Variants in GANC observed in about 807,000 individuals in gnomAD.
GANC encodes glucosidase alpha, neutral C.
In GANC, 117 loss-of-function variants were observed where a neutral mutation model predicts 124.2. The observed-to-expected ratio is 0.94, with a 90% confidence interval of 0.81 to 1.10. GANC has a LOEUF of 1.10. Ranked by LOEUF, GANC falls within the 50% of genes least tolerant of loss-of-function variation. The pLI is 0.00. For synonymous variants in GANC, 377 were observed against 376.8 expected, an observed-to-expected ratio of 1.00 and a Z score of -0.01; for missense variants, 1,140 against 1,095.0, an observed-to-expected ratio of 1.04 and a Z score of -0.58.
At chr15:42,287,177 A>ACCAAGC (rs2051797500) in intron 3 of GANC, among the ~76,000 whole-genome samples, 1 of 152,194 alleles carries the variant, frequency 6.6e-6, no homozygotes. Flanking sequence ...ATTTTAGTGC[A>ACCAAGC]CCAAGCCTCC....
chr15:42,306,416 A>G, intron 6 of GANC, 130 bp from the exon 7 acceptor site: 1 of 688,346 alleles, frequency 1.5e-6, no homozygotes, highest in South Asian at 2.0e-5. Flanking sequence ...GACGTCACAC[A>G]CTGGTCTTCT....
chr15:42,292,264 A>G (rs1368316431), intron 4 of GANC, among the ~76,000 whole-genome samples: 1 of 152,052 alleles, frequency 6.6e-6, no homozygotes, highest in Non-Finnish European at 1.5e-5. Flanking sequence ...ATGTGTTTGG[A>G]ATGAGAAAGA....
intron 6 of GANC, among the ~76,000 whole-genome samples, chr15:42,305,028 A>G (rs1007896781): frequency 2.4e-5 from 2 of 83,490 alleles, no homozygotes; most frequent in Non-Finnish European, 4.8e-5. Context: ...CGTAGGCAAT[A>G]CCATTCAGGA....
At chr15:42,337,036 G>A (rs1037147730) in intron 15 of GANC, among the ~76,000 whole-genome samples, 3 of 152,214 alleles carry the variant, frequency 2.0e-5, no homozygotes, top group Non-Finnish European at 1.5e-5. Context: ...CTGCTGGTAG[G>A]AGTGTAAAAT....
intron 22 of GANC, among the ~76,000 whole-genome samples, chr15:42,350,348 T>C (rs1443210332): frequency 6.6e-6 from 1 of 151,896 alleles, no homozygotes; most frequent in Non-Finnish European, 1.5e-5. Flanking sequence ...TTCTAAAAAA[T>C]GAAAAAGGAC....
chr15:42,330,399 A>G (rs2052233027), intron 14 of GANC, among the ~76,000 whole-genome samples, 177 bp from the exon 15 acceptor site: 1 of 152,190 alleles, frequency 6.6e-6, no homozygotes, highest in African/African-American at 2.4e-5. Flanking sequence ...CCATTCTTTT[A>G]ATAGGGGAAT....
chr15:42,287,581 G>T (rs1030888626), intron 3 of GANC, 110 bp from the exon 4 acceptor site: 2 of 1,108,768 alleles, frequency 1.8e-6, no homozygotes, highest in African/African-American at 1.6e-5. Flanking sequence ...TCTCCAATTT[G>T]CTTGGCCTAT....
chr15:42,303,482 C>T (rs887238028), intron 6 of GANC, among the ~76,000 whole-genome samples: 1 of 152,026 alleles, frequency 6.6e-6, no homozygotes, highest in African/African-American at 2.4e-5. Flanking sequence ...ATCATAATGA[C>T]AGGATCAAAT....
At position 42,321,954 on chromosome 15, in the gene GANC, C is replaced by A. The variant is rs781459010; in HGVS notation, c.1227C>A (p.Thr409=). The part of the protein sequence containing the change: ...IEHTEGKRYF[T]WDKNRFPNPK... ...ACACTGAGGGCAAGAGGTACTTCAC[C>A]TGGGACAAAAACAGATTCCCAAACC... The change falls in exon 11 of 24, where the codon ACC becomes ACA. Residue 409 remains threonine, a synonymous_variant. Transcript: ENST00000318010. 2 of 1,614,014 alleles carry A rather than the reference C, an allele frequency of 1.2e-6. No individual in the cohort carries two copies. Among genetic ancestry groups the A allele is most frequent in the Admixed American group, 3.3e-5 (2 of 59,998 alleles).
intron 10 of GANC, among the ~76,000 whole-genome samples, chr15:42,313,395 A>G (rs2052072306): frequency 6.6e-6 from 1 of 152,272 alleles, no homozygotes; most frequent in Admixed American, 6.5e-5. Flanking sequence ...GTTAGAATTC[A>G]CTAACATTAA....
chr15:42,284,185 T>C, intron 3 of GANC: 1 of 599,104 alleles, frequency 1.7e-6, no homozygotes, highest in Non-Finnish European at 3.0e-6. Context: ...TTTTCCTACT[T>C]AACACCCACT....
chr15:42,285,501 G>A (rs1223901830), intron 3 of GANC, among the ~76,000 whole-genome samples: 2 of 152,182 alleles, frequency 1.3e-5, no homozygotes, highest in Non-Finnish European at 2.9e-5. Flanking sequence ...AGCTATGTTG[G>A]TGATAATAAG....
intron 10 of GANC, among the ~76,000 whole-genome samples, chr15:42,316,745 C>T (rs1338244936): frequency 6.6e-6 from 1 of 152,132 alleles, no homozygotes; most frequent in African/African-American, 2.4e-5. Context: ...CCTAACTCCT[C>T]CAAGGAAAGG....
At chr15:42,275,575 G>T (rs1469072079) in intron 1 of GANC, among the ~76,000 whole-genome samples, 3 of 24,508 alleles carry the variant, frequency 1.2e-4, no homozygotes, top group Non-Finnish European at 4.2e-4. Flanking sequence ...CATGAAAGCC[G>T]GTGTAATTTT....
chr15:42,308,118 C>A (rs1595772371), intron 7 of GANC, 104 bp from the exon 8 acceptor site: 1 of 642,028 alleles, frequency 1.6e-6, no homozygotes, highest in East Asian at 2.6e-5. Context: ...GAGCCCAGGT[C>A]TCTCAGCCTT....
rs1389074823 is a variant in GANC at position 42,273,748 on chromosome 15, A to C, written c.-734A>C. 1.1e-5 allele frequency: 3 copies of C among 277,006 alleles called. No homozygotes were observed. The highest frequency in any genetic ancestry group is 1.6e-4 in the East Asian group (2 of 12,746). The allele number at this position is 277,006 out of a possible 1,614,324, so 17.2% of individuals were successfully genotyped here. ...CTACTTCCGCTCGCCCCAGCCCTTC[A>C]TCCCTTCTAAGTCAATGTCAGACTT... On this transcript the variant is annotated 5_prime_UTR_variant, in exon 1 of 24. Transcript: ENST00000318010.
chr15:42,282,291 C>T (rs1425713046), intron 3 of GANC, among the ~76,000 whole-genome samples: 1 of 152,020 alleles, frequency 6.6e-6, no homozygotes, highest in African/African-American at 2.4e-5. Flanking sequence ...GCTGCACCCT[C>T]AGCCTGGGCA....
At chr15:42,292,628 A>G (rs1368290512) in intron 4 of GANC, 107 bp from the exon 5 acceptor site, 6 of 1,093,402 alleles carry the variant, frequency 5.5e-6, no homozygotes, top group Non-Finnish European at 6.6e-6. Context: ...ATCTATGGCT[A>G]TGTCACATGA....
chr15:42,305,740 A>C (rs942428363), intron 6 of GANC, among the ~76,000 whole-genome samples: 1 of 152,226 alleles, frequency 6.6e-6, no homozygotes, highest in Non-Finnish European at 1.5e-5. Context: ...TGGCACATAC[A>C]CACCATGAAA....
Sources: allele counts gnomAD v4.1 joint callset (sites outside exome capture counted in the v4.1 genomes callset), GRCh38; gene constraint gnomAD v4.1.1; transcripts MANE v1.5; gene names NCBI Gene and HGNC (gene_info 2026-07-23, HGNC 2026-07-21).